Variants in SCLT1 observed in about 807,000 individuals in gnomAD.
SCLT1 encodes sodium channel-associated protein 1.
In SCLT1, 78 loss-of-function variants were observed where a neutral mutation model predicts 112.8. The observed-to-expected ratio is 0.69, with a 90% CI of 0.58 to 0.83. SCLT1 has a LOEUF of 0.83. Among genes scored for constraint, SCLT1 ranks in the 40% least tolerant of loss-of-function variants. SCLT1 has a pLI of 0.00. For synonymous variants in SCLT1, 257 were observed against 254.7 expected (o/e 1.01, Z -0.09); for missense variants, 747 against 770.4 (o/e 0.97, Z 0.36).
At chr4:128,963,984 G>T (rs1458774494) in intron 11 of SCLT1, among the ~76,000 whole-genome samples, 2 of 151,976 alleles carry the variant, frequency 1.3e-5, no homozygotes, top group Non-Finnish European at 2.9e-5. Flanking sequence ...TTAGCATCTG[G>T]TTAAAAATTA....
intron 9 of SCLT1, among the ~76,000 whole-genome samples, chr4:128,984,434 G>A (rs997961052): frequency 6.6e-6 from 1 of 152,036 alleles, no homozygotes; most frequent in African/African-American, 2.4e-5. Flanking sequence ...TAAGCCTTTG[G>A]TTCACTTTGA....
intron 18 of SCLT1, among the ~76,000 whole-genome samples, chr4:128,917,098 C>T (rs1220262001): frequency 6.6e-6 from 1 of 152,118 alleles, no homozygotes; most frequent in Non-Finnish European, 1.5e-5. Flanking sequence ...TTCACCATGG[C>T]GTCACCTGTT....
At position 129,024,479 on chromosome 4, in the gene SCLT1, G is replaced by A. The variant is rs554104714; in HGVS notation, c.290+14562C>T. ...TCTAGGAAACTCCAACAGACCTGCC[G>A]CTGAGGGTCCTGTCTGTTAGAAGGA... On this transcript the variant is annotated intron_variant, in intron 5 of 20. Coordinates refer to ENST00000281142, the MANE Select transcript of SCLT1 (RefSeq NM_144643.4). Among the ~76,000 whole-genome samples, 205 of 152,328 alleles carry A rather than the reference G, an allele frequency of 1.3e-3. 1 individual carries two copies. Among genetic ancestry groups the A allele is most frequent in the Non-Finnish European group, 2.5e-3 (167 of 68,030 alleles).
At chr4:129,050,117 A>G (rs1579847026) in intron 2 of SCLT1, among the ~76,000 whole-genome samples, 2 of 151,950 alleles carry the variant, frequency 1.3e-5, no homozygotes, top group Admixed American at 6.6e-5. Flanking sequence ...TATGTGCCCC[A>G]TTTTCTTTAT....
chr4:128,958,562 C>T (rs1278387963), intron 12 of SCLT1, among the ~76,000 whole-genome samples: 1 of 152,162 alleles, frequency 6.6e-6, no homozygotes, highest in African/African-American at 2.4e-5. Flanking sequence ...CTGTGCTCTA[C>T]ACAAGATGTT....
intron 5 of SCLT1, among the ~76,000 whole-genome samples, chr4:129,021,770 G>A (rs1331634106): frequency 6.6e-6 from 1 of 152,240 alleles, no homozygotes; most frequent in Non-Finnish European, 1.5e-5. Context: ...TGTGAAGAAA[G>A]CAGCTGATCC....
intron 4 of SCLT1, among the ~76,000 whole-genome samples, chr4:129,042,588 A>G (rs1395477130): frequency 1.3e-5 from 2 of 152,228 alleles, no homozygotes; most frequent in African/African-American, 4.8e-5. Context: ...CACCTAAGCA[A>G]TATCTCATGC....
chr4:129,043,314 CT>C, intron 4 of SCLT1, 80 bp downstream of exon 4: 1 of 755,258 alleles, frequency 1.3e-6, no homozygotes, highest in Non-Finnish European at 2.3e-6. Flanking sequence ...TCATCAATGT[CT>C]TTTTAAAAAG....
intron 5 of SCLT1, chr4:129,037,007 A>C (rs1329436117): frequency 6.6e-6 from 1 of 152,030 alleles, no homozygotes; most frequent in Non-Finnish European, 1.5e-5. Flanking sequence ...GGTTAAAGTT[A>C]AGAAACTTGG....
At chr4:128,895,185 C>A (rs1417149847) in intron 18 of SCLT1, among the ~76,000 whole-genome samples, 1 of 152,152 alleles carries the variant, frequency 6.6e-6, no homozygotes, top group South Asian at 2.1e-4. Context: ...TACCACAGGG[C>A]AAATGAATGT....
intron 11 of SCLT1, among the ~76,000 whole-genome samples, chr4:128,964,593 A>T (rs776006732): frequency 5.3e-5 from 8 of 152,170 alleles, no homozygotes; most frequent in Non-Finnish European, 1.0e-4. Flanking sequence ...TTTTTGTAGG[A>T]TTTATGGTTC....
intron 1 of SCLT1, 22 bp downstream of exon 1, chr4:129,093,048 C>T (rs750027471): frequency 6.4e-7 from 1 of 1,571,652 alleles, no homozygotes; most frequent in Admixed American, 1.7e-5. Flanking sequence ...TATATGAAGT[C>T]TCAAAAAAAC....
rs1343042732 is a variant in SCLT1 at position 128,960,943 on chromosome 4, A to AAAG, written c.870-1167_870-1166insCTT. Among the ~76,000 whole-genome samples the AAAG allele has an allele frequency of 1.3e-3, 192 of 149,994 alleles. 3 individuals carry two copies. The highest frequency in any genetic ancestry group is 0.011 in the East Asian group (55 of 5,126). On this transcript the variant is annotated intron_variant, in intron 11 of 20. Coordinates refer to ENST00000281142, the MANE Select transcript of SCLT1 (RefSeq NM_144643.4). ...CTCCGTCTCAAAAAAAAAAAAAAAA[A>AAAG]AAAAAGAACTCTAAATTATAAATAT...
intron 11 of SCLT1, among the ~76,000 whole-genome samples, chr4:128,960,194 C>A (rs1373622598): frequency 6.6e-6 from 1 of 151,984 alleles, no homozygotes; most frequent in Non-Finnish European, 1.5e-5. Context: ...TACTCTCTAC[C>A]CAGACAAGCT....
At chr4:128,892,575 C>T (rs1450197851) in intron 18 of SCLT1, among the ~76,000 whole-genome samples, 2 of 152,106 alleles carry the variant, frequency 1.3e-5, no homozygotes, top group Non-Finnish European at 2.9e-5. Flanking sequence ...CTCAAGTATC[C>T]TATAGTTGAG....
intron 18 of SCLT1, among the ~76,000 whole-genome samples, chr4:128,934,683 T>G (rs539444170): frequency 6.6e-6 from 1 of 152,092 alleles, no homozygotes; most frequent in South Asian, 2.1e-4. Flanking sequence ...TACAAACGGT[T>G]TTTCTATATT....
chr4:129,075,625 A>G (rs1382117608), intron 2 of SCLT1, among the ~76,000 whole-genome samples: 1 of 152,226 alleles, frequency 6.6e-6, no homozygotes, highest in African/African-American at 2.4e-5. Flanking sequence ...CAGTTGTATT[A>G]GCCTAATTTC....
At chr4:128,960,317 T>C (rs2126015126) in intron 11 of SCLT1, among the ~76,000 whole-genome samples, 1 of 152,256 alleles carries the variant, frequency 6.6e-6, no homozygotes, top group South Asian at 2.1e-4. Context: ...ACACATATTA[T>C]ACATACAGGT....
At chr4:129,029,829 C>T (rs1425961642) in intron 5 of SCLT1, among the ~76,000 whole-genome samples, 1 of 152,004 alleles carries the variant, frequency 6.6e-6, no homozygotes, top group Non-Finnish European at 1.5e-5. Context: ...TTCTTACAGA[C>T]CTACAAAGAG....
Sources: gnomAD v4.1 joint callset for allele counts (sites outside exome capture counted in the v4.1 genomes callset) on GRCh38, gnomAD v4.1.1 for gene constraint, MANE v1.5 for transcripts, NCBI Gene and HGNC (gene_info 2026-07-23, HGNC 2026-07-21) for gene names.